The following FUT8 variants were observed in gnomAD, a reference collection of about 807,000 sequenced individuals.
FUT8 encodes the protein fucosyltransferase 8.
Under a neutral mutation model 71.3 loss-of-function variants are expected in FUT8, and 29 were observed. The ratio of observed to expected loss-of-function variants is 0.41; its 90% CI spans 0.30 to 0.55. The LOEUF is 0.55. FUT8 is among the 20% of genes least tolerant of loss of function. The pLI, the probability that FUT8 is intolerant of heterozygous loss-of-function variation, is 0.34. For missense variants in FUT8, 544 were observed against 702.1 expected (o/e 0.77, Z 2.55); for synonymous variants, 254 against 239.3 (o/e 1.06, Z -0.57).
the FUT8 span, among the ~76,000 whole-genome samples, chr14:65,362,500 A>AC: frequency 6.6e-6 from 1 of 151,768 alleles, no homozygotes; most frequent in Non-Finnish European, 1.5e-5. Flanking sequence ...ATATAGCAAG[A>AC]CCCCCATCTC....
chr14:65,691,805 T>TAA (rs929304911), intron 7 of FUT8, among the ~76,000 whole-genome samples: 1 of 151,800 alleles, frequency 6.6e-6, no homozygotes, highest in Non-Finnish European at 1.5e-5. Flanking sequence ...TGATGACTCT[T>TAA]AACGAGCATG....
rs1472402040 is a variant in FUT8, at chr14:65,413,660, CTCTT to C, written c.-326+450_-326+453del. Among the ~76,000 whole-genome samples the C allele has an allele frequency of 6.6e-6, 1 of 152,200 alleles. No individual in the cohort carries two copies. The highest frequency in any genetic ancestry group is 1.5e-5 in the Non-Finnish European group (1 of 68,036). ...GAGGAAGATGCCCGTGCGTTATGGG[CTCTT>C]TCTGAGTGCTGCTCGGGCTAGAAAG... On this transcript the variant is annotated intron_variant, in intron 1 of 10. Coordinates refer to ENST00000673929, the MANE Select transcript of FUT8 (RefSeq NM_001371533.1). The surrounding 1 kb of genome is among the most constrained non-coding windows in gnomAD (Gnocchi z 4.1).
intron 7 of FUT8, among the ~76,000 whole-genome samples, chr14:65,683,319 C>G (rs1460554697): frequency 3.3e-5 from 5 of 152,038 alleles, no homozygotes; most frequent in Non-Finnish European, 7.4e-5. Context: ...GGCCAGGTTT[C>G]TTATTTTTAG....
the FUT8 span, among the ~76,000 whole-genome samples, chr14:65,372,270 C>G: frequency 6.6e-6 from 1 of 152,132 alleles, no homozygotes; most frequent in Non-Finnish European, 1.5e-5. Context: ...CATCTCAGAC[C>G]AGGACTCCTC....
intron 2 of FUT8, among the ~76,000 whole-genome samples, chr14:65,545,797 T>C (rs1459015758): frequency 6.6e-6 from 1 of 151,838 alleles, no homozygotes; most frequent in Admixed American, 6.6e-5. Flanking sequence ...TCTGGTTTGT[T>C]AATTATATTA....
At chr14:65,679,008 A>G (rs1892903530) in intron 7 of FUT8, among the ~76,000 whole-genome samples, 1 of 152,172 alleles carries the variant, frequency 6.6e-6, no homozygotes, top group South Asian at 2.1e-4. Flanking sequence ...ATTTGAAGCT[A>G]TTATTTAGTG....
rs2065966334 is a variant in FUT8, at chr14:65,461,352, T to C, written c.-228+5634T>C. On this transcript the variant is annotated intron_variant, in intron 2 of 10. Transcript: ENST00000673929. ...TCCATCCTAATCCAGAATGACATTA[T>C]ATCAACTTGATTATATCTGCATAGA... Among the ~76,000 whole-genome samples the C allele has an allele frequency of 2.0e-5, 3 of 152,232 alleles. No homozygotes were observed. In the South Asian group the frequency reaches 6.2e-4, roughly 32 times the overall value.
chr14:65,647,918 A>G (rs1891189752), intron 6 of FUT8, among the ~76,000 whole-genome samples: 1 of 152,134 alleles, frequency 6.6e-6, no homozygotes, highest in Non-Finnish European at 1.5e-5. Context: ...TATTAAAGCA[A>G]AATACAAAAT....
intron 1 of FUT8, among the ~76,000 whole-genome samples, chr14:65,435,522 A>G (rs1191521505): frequency 6.6e-6 from 1 of 152,202 alleles, no homozygotes; most frequent in East Asian, 1.9e-4. Flanking sequence ...AAAGACGTTT[A>G]GCTTATTGCT....
chr14:65,472,649 T>C lies in FUT8; in HGVS notation c.-228+16931T>C, dbSNP rs1215905817. 1.3e-5 allele frequency among the ~76,000 whole-genome samples: 2 copies of C among 152,138 alleles called. No homozygotes were observed. Among genetic ancestry groups the C allele is most frequent in the Non-Finnish European group, 2.9e-5 (2 of 68,002 alleles). On this transcript the variant is annotated intron_variant, in intron 2 of 10. Transcript: ENST00000673929. The surrounding 1 kb of genome is among the most constrained non-coding windows in gnomAD (Gnocchi z 4.4). The stretch of plus-strand genomic sequence containing the variant: ...CTAATTGCACTTCTGATAAGTATAC[T>C]GATGATGCTGAGGATGGTTATTAAA...
intron 3 of FUT8, among the ~76,000 whole-genome samples, chr14:65,583,735 T>C (rs1228653635): frequency 6.6e-6 from 1 of 152,176 alleles, no homozygotes; most frequent in Admixed American, 6.5e-5. Flanking sequence ...AATTAGAAAG[T>C]GCATAGAAGC....
intron 7 of FUT8, among the ~76,000 whole-genome samples, chr14:65,709,967 G>T (rs1422349893): frequency 6.6e-6 from 1 of 152,084 alleles, no homozygotes; most frequent in African/African-American, 2.4e-5. Flanking sequence ...CATCGACATT[G>T]GTTATCAAGC....
chr14:65,493,308 C>G (rs10483779), intron 2 of FUT8, among the ~76,000 whole-genome samples: 9,086 of 152,142 alleles, frequency 0.06, 471 homozygotes, highest in South Asian at 0.2. Flanking sequence ...ATGCAGACCA[C>G]TTTATTATGG....
At chr14:65,432,236 T>C (rs2139433606) in intron 1 of FUT8, among the ~76,000 whole-genome samples, 1 of 152,308 alleles carries the variant, frequency 6.6e-6, no homozygotes, top group African/African-American at 2.4e-5. Context: ...ACCTATTCTT[T>C]TGGCTTTAGT....
chr14:65,658,243 A>G (rs1383473613), intron 6 of FUT8, among the ~76,000 whole-genome samples: 1 of 152,184 alleles, frequency 6.6e-6, no homozygotes, highest in African/African-American at 2.4e-5. Flanking sequence ...GGGAAATGCA[A>G]AAGACATGAT....
At chr14:65,429,135 A>T (rs1416777487) in intron 1 of FUT8, among the ~76,000 whole-genome samples, 1 of 152,176 alleles carries the variant, frequency 6.6e-6, no homozygotes, top group African/African-American at 2.4e-5. Context: ...AGTAATGTTC[A>T]TTTTCAGTAT....
chr14:65,656,399 T>A (rs998401041), intron 6 of FUT8, among the ~76,000 whole-genome samples: 1 of 151,996 alleles, frequency 6.6e-6, no homozygotes, highest in African/African-American at 2.4e-5. Flanking sequence ...TAGCTACAAA[T>A]AAAATTAAGT....
chr14:65,577,945 TA>T (rs1300277543), intron 3 of FUT8, among the ~76,000 whole-genome samples: 1 of 152,114 alleles, frequency 6.6e-6, no homozygotes, highest in Non-Finnish European at 1.5e-5. Context: ...GAGCTTTATT[TA>T]GAATATAGAA....
chr14:65,630,163 A>G (rs1890110151), intron 6 of FUT8, among the ~76,000 whole-genome samples: 1 of 152,158 alleles, frequency 6.6e-6, no homozygotes, highest in South Asian at 2.1e-4. Context: ...ATGGAGAATA[A>G]GTTGGAAAGG....
Sources: gnomAD v4.1 joint callset for allele counts (sites outside exome capture counted in the v4.1 genomes callset) on GRCh38, gnomAD v4.1.1 for gene constraint, Gnocchi (gnomAD v3.1) non-coding constraint, MANE v1.5 for transcripts, NCBI Gene and HGNC (gene_info 2026-07-23, HGNC 2026-07-21) for gene names.